NT5DC3: variants seen among roughly 807,000 people sequenced by gnomAD.
NT5DC3 encodes 5'-nucleotidase domain-containing protein 3.
A neutral mutation model predicts 67.8 loss-of-function variants in NT5DC3; 42 were observed. That is an observed-to-expected ratio of 0.62 (90% confidence interval 0.48 to 0.80). The LOEUF is 0.80. NT5DC3 is among the 30% of genes least tolerant of loss of function. NT5DC3 has a pLI of 0.00. For synonymous variants in NT5DC3, 237 were observed against 255.6 expected (o/e 0.93, Z 0.69); for missense variants, 570 against 696.4 (o/e 0.82, Z 2.04).
intron 12 of NT5DC3, among the ~76,000 whole-genome samples, chr12:103,784,734 T>C (rs989980845): frequency 1.3e-5 from 2 of 152,270 alleles, no homozygotes; most frequent in East Asian, 3.9e-4. Context: ...GCAGCTTCCA[T>C]GGGCCAGGAA....
chr12:103,795,237 G>A (rs116461740), intron 6 of NT5DC3, among the ~76,000 whole-genome samples: 5,352 of 152,206 alleles, frequency 0.035, 283 homozygotes, highest in African/African-American at 0.12. Context: ...ACTGTGCCTC[G>A]ATGTCCTTAT....
intron 2 of NT5DC3, among the ~76,000 whole-genome samples, chr12:103,811,784 G>A (rs1388825158): frequency 6.6e-6 from 1 of 152,168 alleles, no homozygotes; most frequent in Non-Finnish European, 1.5e-5. Flanking sequence ...GGAGGAAACT[G>A]GGCATTGGGT....
chr12:103,837,198 C>A (rs1350636098), intron 1 of NT5DC3, among the ~76,000 whole-genome samples: 1 of 152,218 alleles, frequency 6.6e-6, no homozygotes, highest in Non-Finnish European at 1.5e-5. Flanking sequence ...CCAAGCTCTA[C>A]ATTGGCCTCT....
At chr12:103,784,122 G>A (rs182156415) in intron 12 of NT5DC3, among the ~76,000 whole-genome samples, 32 of 152,316 alleles carry the variant, frequency 2.1e-4, no homozygotes, top group Admixed American at 7.8e-4. Flanking sequence ...TGAGCAAAGT[G>A]TATAGAGCCA....
chr12:103,751,814 T>C, the NT5DC3 span, among the ~76,000 whole-genome samples: 1 of 152,202 alleles, frequency 6.6e-6, no homozygotes, highest in Admixed American at 6.5e-5. Flanking sequence ...CTCTTCTGTT[T>C]TCTTATGAAT....
At chr12:103,781,262 G>A (rs546375981) in intron 12 of NT5DC3, among the ~76,000 whole-genome samples, 1 of 152,294 alleles carries the variant, frequency 6.6e-6, no homozygotes, top group South Asian at 2.1e-4. Flanking sequence ...CACCAAGCGG[G>A]CAAACCATCT....
intron 11 of NT5DC3, among the ~76,000 whole-genome samples, chr12:103,786,510 AG>A (rs137956006): frequency 0.062 from 8,303 of 133,154 alleles, 348 homozygotes; most frequent in South Asian, 0.086. Context: ...GGGCAACCAT[AG>A]GAACTCAGGC....
intron 6 of NT5DC3, among the ~76,000 whole-genome samples, chr12:103,796,081 C>G (rs1886300920): frequency 6.6e-6 from 1 of 152,204 alleles, no homozygotes; most frequent in Non-Finnish European, 1.5e-5. Flanking sequence ...CCCCCGTCCC[C>G]CAACTGGATT....
intron 2 of NT5DC3, among the ~76,000 whole-genome samples, chr12:103,808,917 ACTTT>A (rs779309536): frequency 2.6e-5 from 4 of 152,318 alleles, no homozygotes; most frequent in Admixed American, 1.3e-4. Context: ...ACTTTCCATG[ACTTT>A]CTTTATCTTT....
At chr12:103,757,874 C>T in the NT5DC3 span, 2 of 401,526 alleles carry the variant, frequency 5.0e-6, no homozygotes, top group African/African-American at 4.0e-5. Context: ...TGGGGGGCCA[C>T]TGCAGGATTT....
At chr12:103,831,834 G>C (rs977754417) in intron 1 of NT5DC3, among the ~76,000 whole-genome samples, 2 of 149,354 alleles carry the variant, frequency 1.3e-5, no homozygotes, top group Non-Finnish European at 3.0e-5. Flanking sequence ...GGAGTACAGC[G>C]GTGTGATCTC....
At chr12:103,798,421 G>A (rs1299178766) in intron 5 of NT5DC3, among the ~76,000 whole-genome samples, 166 bp downstream of exon 5, 1 of 152,180 alleles carries the variant, frequency 6.6e-6, no homozygotes, top group African/African-American at 2.4e-5. Context: ...CTTCAGAAAG[G>A]AGAATCATGA....
the NT5DC3 span, chr12:103,753,413 C>G: frequency 6.8e-6 from 11 of 1,610,118 alleles, no homozygotes; most frequent in South Asian, 1.1e-5. Context: ...AAGTGCAGCC[C>G]TTTCTTAAGA....
chr12:103,804,324 C>A (rs1886708049), intron 4 of NT5DC3, among the ~76,000 whole-genome samples: 1 of 152,126 alleles, frequency 6.6e-6, no homozygotes, highest in Admixed American at 6.5e-5. Flanking sequence ...ACACTGATAA[C>A]AGAGGCCTGC....
intron 12 of NT5DC3, among the ~76,000 whole-genome samples, chr12:103,780,722 CATATATT>C (rs1414983231): frequency 1.3e-5 from 2 of 152,274 alleles, no homozygotes; most frequent in East Asian, 3.9e-4. Context: ...ATCCATTACA[CATATATT>C]ATATACATGT....
At chr12:103,784,909 T>A (rs937250496) in intron 12 of NT5DC3, among the ~76,000 whole-genome samples, 5 of 152,246 alleles carry the variant, frequency 3.3e-5, no homozygotes, top group African/African-American at 1.2e-4. Context: ...GCTTTGAGAC[T>A]CTTTCCAGTA....
At chr12:103,805,635 C>T (rs1886764779) in intron 4 of NT5DC3, among the ~76,000 whole-genome samples, 1 of 152,032 alleles carries the variant, frequency 6.6e-6, no homozygotes, top group South Asian at 2.1e-4. Flanking sequence ...CACTTGAGGT[C>T]AGGAGTTCAA....
intron 1 of NT5DC3, among the ~76,000 whole-genome samples, chr12:103,816,234 A>G (rs1887245596): frequency 6.6e-6 from 1 of 152,196 alleles, no homozygotes; most frequent in Admixed American, 6.5e-5. Context: ...GAATATCTGC[A>G]TTATACCTAC....
chr12:103,751,545 T>C, the NT5DC3 span, among the ~76,000 whole-genome samples: 5 of 152,112 alleles, frequency 3.3e-5, no homozygotes, highest in Non-Finnish European at 7.4e-5. Flanking sequence ...GTTGGGGATA[T>C]TCTATGGTCT....
Sources: allele counts gnomAD v4.1 joint callset (sites outside exome capture counted in the v4.1 genomes callset), GRCh38; gene constraint gnomAD v4.1.1; transcripts MANE v1.5; gene names NCBI Gene and HGNC (gene_info 2026-07-23, HGNC 2026-07-21).